LUC7L2: variants seen among roughly 807,000 people sequenced by gnomAD.
LUC7L2 encodes the protein LUC7 like 2, pre-mRNA splicing factor, also known as putative RNA-binding protein Luc7-like 2.
Under a neutral mutation model 52.8 loss-of-function variants are expected in LUC7L2, and 25 were observed. That is an observed-to-expected ratio of 0.47 (90% confidence interval 0.34 to 0.66). LUC7L2 has a LOEUF of 0.66. Among genes scored for constraint, LUC7L2 ranks in the 30% least tolerant of loss-of-function variants. The probability of loss-of-function intolerance (pLI) is 0.01; values close to 1 mark genes in which losing one functional copy is unlikely to be tolerated. For missense variants in LUC7L2, 328 were observed against 497.8 expected (o/e 0.66, Z 3.25); for synonymous variants, 144 against 160.9 (o/e 0.89, Z 0.80).
At chr7:139,361,842 A>ACAC (rs774595782) in intron 1 of LUC7L2, among the ~76,000 whole-genome samples, 26 of 152,182 alleles carry the variant, frequency 1.7e-4, no homozygotes, top group Non-Finnish European at 3.2e-4. Context: ...TAATAAAATT[A>ACAC]AGTTATTTAA....
At chr7:139,385,635 G>A (rs1794163632) in intron 2 of LUC7L2, among the ~76,000 whole-genome samples, 1 of 152,132 alleles carries the variant, frequency 6.6e-6, no homozygotes, top group Non-Finnish European at 1.5e-5. Context: ...GATGACTCTT[G>A]AAATTAAAGA....
chr7:139,407,308 C>T lies in LUC7L2; in HGVS notation c.645C>T (p.His215=), dbSNP rs372259026. 2.5e-6 allele frequency: 4 copies of T among 1,607,822 alleles called. No homozygotes were observed. Among genetic ancestry groups the T allele is most frequent in the Non-Finnish European group, 3.4e-6 (4 of 1,176,394 alleles). Residue 215 remains histidine, a synonymous_variant, in exon 6 of 10, where the codon CAC becomes CAT. Coordinates refer to ENST00000354926, the MANE Select transcript of LUC7L2 (RefSeq NM_016019.5). ...CTGATCATTTTGGGGGTAAACTGCA[C>T]CTGGGATTTATTGAAATAAGAGAGA... ...RLADHFGGKL[H]LGFIEIREKL...
chr7:139,396,447 AAAG>A (rs1258315738), intron 2 of LUC7L2, among the ~76,000 whole-genome samples: 2 of 151,754 alleles, frequency 1.3e-5, no homozygotes, highest in Admixed American at 6.6e-5. Flanking sequence ...TGTCTCAAAA[AAAG>A]AAGAAAAAGT....
At chr7:139,364,612 A>ATT (rs1191356448) in intron 1 of LUC7L2, among the ~76,000 whole-genome samples, 1 of 152,230 alleles carries the variant, frequency 6.6e-6, no homozygotes, top group East Asian at 1.9e-4. Flanking sequence ...TAAAACTGAA[A>ATT]GGATACTCAT....
Position 139,360,121 on chromosome 7 carries a change from G to C in LUC7L2, c.-141G>C. On this transcript the variant is annotated 5_prime_UTR_variant, in exon 1 of 10. Transcript: ENST00000354926. ...TCCGGACTCTTCCCGCAACCCCTCC[G>C]GCTCCCTTTCCGCACGCCTCGAGGC... 1.7e-6 allele frequency: 1 copy of C among 604,058 alleles called. No individual in the cohort carries two copies. Among genetic ancestry groups the C allele is most frequent in the Non-Finnish European group, 2.9e-6 (1 of 347,910 alleles). 37.4% of individuals were successfully genotyped at this position (604,058 alleles called of 1,614,324 possible).
At position 139,359,941 on chromosome 7, in the gene LUC7L2, G is replaced by T. The variant is rs1272884584; in HGVS notation, c.-321G>T. 3 of 421,148 alleles carry T rather than the reference G, an allele frequency of 7.1e-6. No homozygotes were observed. Among genetic ancestry groups the T allele is most frequent in the African/African-American group, 2.1e-5 (1 of 48,716 alleles). 26.1% of individuals were successfully genotyped at this position (421,148 alleles called of 1,614,324 possible). On this transcript the variant is annotated 5_prime_UTR_variant, in exon 1 of 10. Coordinates refer to ENST00000354926, the MANE Select transcript of LUC7L2 (RefSeq NM_016019.5). Reference sequence around the variant, plus strand: ...CGGCGAGCGGCGTCAGAGCTTGAGGGGGGGTTGACGGCTTCTGGCGGGTGG... The same window carrying T: ...CGGCGAGCGGCGTCAGAGCTTGAGGTGGGGTTGACGGCTTCTGGCGGGTGG...
Position 139,423,054 on chromosome 7 carries a change from T to C in LUC7L2, c.*714T>C, listed in dbSNP as rs1255616878. On this transcript the variant is annotated 3_prime_UTR_variant, in exon 10 of 10. Coordinates refer to ENST00000354926, the MANE Select transcript of LUC7L2 (RefSeq NM_016019.5). ...TCTAGGGGGTGGGGGCAGGGACTCTTTTCGTAATAAGCACTTGTTTTATTT... is the reference window on the plus strand; with the variant it reads ...TCTAGGGGGTGGGGGCAGGGACTCTCTTCGTAATAAGCACTTGTTTTATTT... 1.0e-5 allele frequency: 4 copies of C among 398,636 alleles called. No homozygotes were observed. The highest frequency in any genetic ancestry group is 1.8e-5 in the Non-Finnish European group (4 of 225,992). 24.7% of individuals were successfully genotyped at this position (398,636 alleles called of 1,614,324 possible). A position where few individuals can be genotyped will look rare whatever the true frequency, so the allele number is the denominator to read the frequency against.
intron 9 of LUC7L2, 72 bp downstream of exon 9, chr7:139,417,801 CTTATGTTT>C: frequency 1.3e-6 from 2 of 1,520,508 alleles, no homozygotes; most frequent in South Asian, 2.5e-5. Flanking sequence ...ACTTATGTTA[CTTATGTTT>C]AGAGTTCAGA....
chr7:139,391,667 C>T (rs1794456748), intron 2 of LUC7L2, among the ~76,000 whole-genome samples: 3 of 152,176 alleles, frequency 2.0e-5, no homozygotes, highest in Admixed American at 2.0e-4. Context: ...TGGCTCACTG[C>T]AACCTCTGCC....
intron 8 of LUC7L2, 147 bp downstream of exon 8, chr7:139,412,727 C>T: frequency 1.1e-6 from 1 of 931,246 alleles, no homozygotes. Flanking sequence ...ACTCAAGAGG[C>T]TGAGGCAGAA....
chr7:139,371,491 A>G (rs1407647627), intron 1 of LUC7L2: 2 of 1,522,196 alleles, frequency 1.3e-6, no homozygotes, highest in Non-Finnish European at 1.8e-6. Context: ...TGTTTTTAAA[A>G]TAGCACCTAA....
At chr7:139,345,622 G>T in intron 1 of LUC7L2, 15 of 1,614,172 alleles carry the variant, frequency 9.3e-6, no homozygotes, top group Non-Finnish European at 1.3e-5. Context: ...CATGGCAAGG[G>T]TGAGCGCTCG....
chr7:139,380,021 T>C (rs1374366658), intron 2 of LUC7L2, among the ~76,000 whole-genome samples: 1 of 149,556 alleles, frequency 6.7e-6, no homozygotes, highest in African/African-American at 2.4e-5. Flanking sequence ...CTACTGAAAA[T>C]ACAAAAAATT....
intron 1 of LUC7L2, among the ~76,000 whole-genome samples, chr7:139,349,399 T>A (rs959578722): frequency 6.6e-6 from 1 of 152,160 alleles, no homozygotes; most frequent in African/African-American, 2.4e-5. Context: ...TACCTCCTAT[T>A]CATAGTCGCA....
At chr7:139,362,945 G>A (rs1799961039) in intron 1 of LUC7L2, among the ~76,000 whole-genome samples, 1 of 152,140 alleles carries the variant, frequency 6.6e-6, no homozygotes, top group African/African-American at 2.4e-5. Context: ...GGAATCCTTA[G>A]GAGTAGGAAT....
intron 1 of LUC7L2, chr7:139,375,322 A>G (rs946480182): frequency 3.0e-6 from 3 of 985,330 alleles, no homozygotes; most frequent in African/African-American, 3.5e-5. Flanking sequence ...ATGAATTTAA[A>G]TATACCCAGT....
At chr7:139,362,310 C>T (rs183887206) in intron 1 of LUC7L2, among the ~76,000 whole-genome samples, 1 of 152,022 alleles carries the variant, frequency 6.6e-6, no homozygotes, top group East Asian at 1.9e-4. Flanking sequence ...ATAATCAGAA[C>T]ATTCTTTTTT....
upstream of LUC7L2, among the ~76,000 whole-genome samples, chr7:139,354,903 T>C (rs7784192): frequency 0.39 from 58,430 of 151,290 alleles, 15,728 homozygotes; most frequent in African/African-American, 0.77. Flanking sequence ...GTTGTCCAGG[T>C]TGGAGTGCAG....
chr7:139,412,904 T>C (rs1444814359), intron 8 of LUC7L2: 1 of 163,498 alleles, frequency 6.1e-6, no homozygotes, highest in Non-Finnish European at 1.3e-5. Context: ...AAAGGATTAA[T>C]TTTTTAAAAA....
Sources: gnomAD v4.1 joint callset for allele counts (sites outside exome capture counted in the v4.1 genomes callset) on GRCh38, gnomAD v4.1.1 for gene constraint, MANE v1.5 for transcripts, NCBI Gene and HGNC (gene_info 2026-07-23, HGNC 2026-07-21) for gene names.